Variants in CALN1 observed in about 807,000 individuals in gnomAD.
The protein encoded by CALN1 is calcium-binding protein 8.
A neutral mutation model predicts 30.6 loss-of-function variants in CALN1; 17 were observed. That is an observed-to-expected ratio of 0.56 (90% CI 0.38 to 0.83). CALN1 has a LOEUF of 0.83. Ranked by LOEUF, CALN1 falls within the 40% of genes least tolerant of loss-of-function variation. CALN1 has a pLI of 0.00. For synonymous variants in CALN1, 156 were observed against 131.4 expected, an observed-to-expected ratio of 1.19 and a Z score of -1.28; for missense variants, 291 against 354.9, an observed-to-expected ratio of 0.82 and a Z score of 1.45.
At chr7:72,327,513 T>C (rs1314034710) in intron 2 of CALN1, among the ~76,000 whole-genome samples, 1 of 152,078 alleles carries the variant, frequency 6.6e-6, no homozygotes, top group Non-Finnish European at 1.5e-5. Flanking sequence ...AAACGAACAC[T>C]TCATTGAACG....
intron 5 of CALN1, among the ~76,000 whole-genome samples, chr7:71,894,452 A>G (rs1186260259): frequency 2.6e-5 from 4 of 152,132 alleles, no homozygotes; most frequent in Non-Finnish European, 5.9e-5. Flanking sequence ...TTTTTTGTAG[A>G]GACGGAGTCT....
At chr7:72,025,621 T>C (rs1046717525) in intron 4 of CALN1, among the ~76,000 whole-genome samples, 2 of 152,154 alleles carry the variant, frequency 1.3e-5, no homozygotes, top group African/African-American at 4.8e-5. Flanking sequence ...AAGGCATTGT[T>C]GGGTCCTCCA....
Position 72,285,526 on chromosome 7 carries a change from A to C in CALN1, c.120-6716T>G, listed in dbSNP as rs1466224091. 5.3e-5 allele frequency among the ~76,000 whole-genome samples: 8 copies of C among 152,214 alleles called. No individual in the cohort carries two copies. The East Asian group carries it at 1.5e-3, about 29-fold the overall frequency. On this transcript the variant is annotated intron_variant, in intron 2 of 6. Transcript: ENST00000395275. ...CCAAAGTGCTGGGATTACAGGCGTG[A>C]ACCACAGCGCCCAGCTCTTACTGTA...
chr7:72,030,248 G>C (rs974947530), intron 4 of CALN1, among the ~76,000 whole-genome samples: 1 of 152,130 alleles, frequency 6.6e-6, no homozygotes, highest in Non-Finnish European at 1.5e-5. Flanking sequence ...AGCAAAGGGG[G>C]ATGTCTCCAG....
rs1194772184 is a variant in CALN1, at chr7:71,783,812, C to T, written c.*3963G>A. On this transcript the variant is annotated 3_prime_UTR_variant, in exon 7 of 7. Transcript: ENST00000395275. ...GGGAAGTTGGGAGGGGCATTATTGT[C>T]AAAAGCAGCTGTCCATTTTTCATAG... 6.6e-6 allele frequency: 1 copy of T among 152,594 alleles called. No homozygotes were observed. Among genetic ancestry groups the T allele is most frequent in the Admixed American group, 6.5e-5 (1 of 15,278 alleles). 9.5% of individuals were successfully genotyped at this position (152,594 alleles called of 1,614,324 possible). A position where few individuals can be genotyped will look rare whatever the true frequency, so the allele number is the denominator to read the frequency against.
At chr7:71,811,664 GCTTT>G (rs1241000173) in intron 5 of CALN1, among the ~76,000 whole-genome samples, 6 of 136,330 alleles carry the variant, frequency 4.4e-5, no homozygotes, top group Admixed American at 7.3e-5. Flanking sequence ...TGATAGTGTC[GCTTT>G]CTTTTTTCTT....
At chr7:71,919,807 A>G (rs1233932611) in intron 5 of CALN1, among the ~76,000 whole-genome samples, 1 of 152,230 alleles carries the variant, frequency 6.6e-6, no homozygotes, top group South Asian at 2.1e-4. Flanking sequence ...TCTGGTATAA[A>G]GTTACCAGTG....
intron 2 of CALN1, among the ~76,000 whole-genome samples, chr7:72,358,708 T>C (rs1217204961): frequency 6.6e-6 from 1 of 152,068 alleles, no homozygotes; most frequent in Non-Finnish European, 1.5e-5. Context: ...TCCAGCACTT[T>C]GGGAGGCGGA....
intron 2 of CALN1, among the ~76,000 whole-genome samples, chr7:72,372,846 A>G (rs1335582670): frequency 2.0e-5 from 3 of 152,188 alleles, no homozygotes; most frequent in Admixed American, 6.5e-5. Context: ...CAAGGATACA[A>G]CTCTAAATTC....
chr7:72,218,937 G>A (rs373132052), intron 3 of CALN1, among the ~76,000 whole-genome samples: 1 of 152,188 alleles, frequency 6.6e-6, no homozygotes, highest in East Asian at 1.9e-4. Context: ...GGCTGGGTAG[G>A]AGAGATGCAA....
intron 3 of CALN1, among the ~76,000 whole-genome samples, chr7:72,179,001 C>T (rs560388722): frequency 9.2e-5 from 14 of 152,060 alleles, no homozygotes; most frequent in South Asian, 2.1e-4. Flanking sequence ...TTGTAACATG[C>T]GAGATATTAA....
At chr7:72,366,023 G>C (rs958165410) in intron 2 of CALN1, among the ~76,000 whole-genome samples, 1 of 152,048 alleles carries the variant, frequency 6.6e-6, no homozygotes, top group African/African-American at 2.4e-5. Context: ...ATTGCATAAA[G>C]ACATGTTTAT....
chr7:72,144,448 A>G (rs1415331631), intron 3 of CALN1, among the ~76,000 whole-genome samples: 1 of 152,226 alleles, frequency 6.6e-6, no homozygotes, highest in Non-Finnish European at 1.5e-5. Context: ...TATGCACCCA[A>G]TACAGGAGCA....
At chr7:72,407,227 C>T (rs955949534) in intron 1 of CALN1, among the ~76,000 whole-genome samples, 2 of 152,230 alleles carry the variant, frequency 1.3e-5, no homozygotes, top group Admixed American at 1.3e-4. Flanking sequence ...GACTTAACCT[C>T]TCTGGGCTTC....
intron 4 of CALN1, among the ~76,000 whole-genome samples, chr7:72,048,626 G>A (rs1239410885): frequency 3.9e-5 from 6 of 152,004 alleles, no homozygotes; most frequent in Admixed American, 2.0e-4. Context: ...AAATATAAGT[G>A]CTTTCTGAAA....
chr7:71,837,251 A>AAAAG (rs776299934), intron 5 of CALN1, among the ~76,000 whole-genome samples: 5 of 144,046 alleles, frequency 3.5e-5, no homozygotes, highest in African/African-American at 1.4e-4. Context: ...GACAAAAAAA[A>AAAAG]AAAAAAAAAA....
chr7:72,116,318 G>A (rs1807981397), intron 3 of CALN1, among the ~76,000 whole-genome samples: 1 of 152,146 alleles, frequency 6.6e-6, no homozygotes, highest in African/African-American at 2.4e-5. Context: ...ACTTAAATGA[G>A]ACTAGCCTGG....
chr7:72,023,613 C>A, intron 5 of CALN1, 44 bp downstream of exon 5: 1 of 1,430,416 alleles, frequency 7.0e-7, no homozygotes. Flanking sequence ...GTCTCAGACA[C>A]ATTTACTGTC....
At chr7:72,487,884 GAAA>G in the CALN1 span, among the ~76,000 whole-genome samples, 3 of 53,432 alleles carry the variant, frequency 5.6e-5, no homozygotes, top group Non-Finnish European at 3.3e-5. Context: ...AAGAAAGAAA[GAAA>G]AGAAAAGAAA....
Sources: allele counts gnomAD v4.1 joint callset (sites outside exome capture counted in the v4.1 genomes callset), GRCh38; gene constraint gnomAD v4.1.1; transcripts MANE v1.5; gene names NCBI Gene and HGNC (gene_info 2026-07-23, HGNC 2026-07-21).